Variants in CNTNAP2 observed in about 807,000 individuals in gnomAD.
The protein encoded by CNTNAP2 is contactin associated protein 2.
Under a neutral mutation model 155.2 loss-of-function variants are expected in CNTNAP2, and 98 were observed. The ratio of observed to expected loss-of-function variants is 0.63; its 90% CI spans 0.54 to 0.75. The LOEUF is 0.75. CNTNAP2 is among the 30% of genes least tolerant of loss of function. The probability of loss-of-function intolerance (pLI) is 0.00; values close to 1 mark genes in which losing one functional copy is unlikely to be tolerated. For missense variants in CNTNAP2, 1,727 were observed against 1,688.1 expected, an observed-to-expected ratio of 1.02 and a Z score of -0.40; for synonymous variants, 651 against 631.2, an observed-to-expected ratio of 1.03 and a Z score of -0.47.
intron 2 of CNTNAP2, among the ~76,000 whole-genome samples, chr7:146,834,493 G>A (rs1257080430): frequency 1.3e-5 from 2 of 151,956 alleles, no homozygotes; most frequent in Admixed American, 1.3e-4. Flanking sequence ...AGTGAGGAAG[G>A]AAAGACAGAT....
At chr7:147,247,943 A>T (rs572604063) in intron 8 of CNTNAP2, among the ~76,000 whole-genome samples, 195 of 152,244 alleles carry the variant, frequency 1.3e-3, no homozygotes, top group African/African-American at 4.0e-3. Context: ...AAAAATTTTT[A>T]AAAAAAGGTA....
At chr7:147,211,203 A>T (rs1471868162) in intron 8 of CNTNAP2, among the ~76,000 whole-genome samples, 1 of 151,962 alleles carries the variant, frequency 6.6e-6, no homozygotes, top group African/African-American at 2.4e-5. Flanking sequence ...TTCCCTGATG[A>T]TCTGTCTAAT....
chr7:146,839,197 T>C (rs1803673114), intron 2 of CNTNAP2, among the ~76,000 whole-genome samples: 1 of 152,128 alleles, frequency 6.6e-6, no homozygotes. Flanking sequence ...TACCTCTCAG[T>C]GGTACAGGAA....
rs544207980 is a variant in CNTNAP2 at position 147,047,050 on chromosome 7, A to G, written c.550+2996A>G. ...CCGTGTCAAAAAAAAAAAAAAAAAA[A>G]GTGTAGCCATTCTGGTGAGTGTTTG... is the stretch of plus-strand genomic sequence containing the variant. On this transcript the variant is annotated intron_variant, in intron 4 of 23. Coordinates refer to ENST00000361727, the MANE Select transcript of CNTNAP2 (RefSeq NM_014141.6). Among the ~76,000 whole-genome samples, 181 of 147,990 alleles carry G rather than the reference A, an allele frequency of 1.2e-3. 4 individuals carry two copies. Among genetic ancestry groups the G allele is most frequent in the African/African-American group, 4.0e-3 (159 of 40,226 alleles).
At chr7:146,543,037 A>G (rs972369368) in intron 1 of CNTNAP2, among the ~76,000 whole-genome samples, 1 of 151,900 alleles carries the variant, frequency 6.6e-6, no homozygotes, top group South Asian at 2.1e-4. Flanking sequence ...AGTATTCTTG[A>G]AAATGGTTGA....
chr7:148,286,941 A>G (rs1797095076), intron 21 of CNTNAP2, among the ~76,000 whole-genome samples: 1 of 152,220 alleles, frequency 6.6e-6, no homozygotes, highest in African/African-American at 2.4e-5. Context: ...TGCCACACAT[A>G]GTACCCTAAT....
At chr7:146,857,864 C>T (rs1409682201) in intron 3 of CNTNAP2, among the ~76,000 whole-genome samples, 1 of 152,190 alleles carries the variant, frequency 6.6e-6, no homozygotes, top group Non-Finnish European at 1.5e-5. Flanking sequence ...GAACACTAAA[C>T]TGTGGAATCA....
chr7:147,811,120 A>G (rs755297058), intron 13 of CNTNAP2, among the ~76,000 whole-genome samples: 39 of 152,196 alleles, frequency 2.6e-4, no homozygotes, highest in Non-Finnish European at 5.1e-4. Flanking sequence ...TTTAAGACAG[A>G]GTCTTGCTCT....
intron 1 of CNTNAP2, among the ~76,000 whole-genome samples, chr7:146,475,013 G>GCGCGCACACACACACACA (rs71525954): frequency 4.8e-5 from 7 of 144,380 alleles, no homozygotes; most frequent in African/African-American, 1.8e-4. Context: ...GCGCGCGCGC[G>GCGCGCACACACACACACA]CACACACACA....
At chr7:148,105,614 G>A (rs940827753) in intron 15 of CNTNAP2, among the ~76,000 whole-genome samples, 1 of 150,996 alleles carries the variant, frequency 6.6e-6, no homozygotes, top group African/African-American at 2.4e-5. Context: ...TTGTGATGGA[G>A]TCTTGCTCTG....
intron 13 of CNTNAP2, among the ~76,000 whole-genome samples, chr7:147,801,285 G>T (rs1468369532): frequency 2.8e-5 from 4 of 142,062 alleles, no homozygotes; most frequent in African/African-American, 1.0e-4. Context: ...AAATAGGTAT[G>T]TAGTCTTTGG....
In CNTNAP2 at chr7:146,933,256, C is replaced by A. The variant is rs190594580; in HGVS notation, c.402+93352C>A. Among the ~76,000 whole-genome samples, 402 of 152,098 alleles carry A rather than the reference C, an allele frequency of 2.6e-3. 1 individual carries two copies. The highest frequency in any genetic ancestry group is 8.2e-3 in the African/African-American group (341 of 41,408). On this transcript the variant is annotated intron_variant, in intron 3 of 23. Coordinates refer to ENST00000361727, the MANE Select transcript of CNTNAP2 (RefSeq NM_014141.6). ...AAAATAGAGATATAGATCAATGGAACAGAACAGAGCCCTCAGAAATAATGT... is the reference window on the plus strand; with the variant it reads ...AAAATAGAGATATAGATCAATGGAAAAGAACAGAGCCCTCAGAAATAATGT...
At chr7:148,022,786 C>A (rs1802308090) in intron 15 of CNTNAP2, among the ~76,000 whole-genome samples, 1 of 152,068 alleles carries the variant, frequency 6.6e-6, no homozygotes, top group Non-Finnish European at 1.5e-5. Flanking sequence ...CCTGTGTCTG[C>A]AGTTTCTCTT....
chr7:147,434,388 A>C (rs1797516495), intron 10 of CNTNAP2, among the ~76,000 whole-genome samples: 1 of 152,208 alleles, frequency 6.6e-6, no homozygotes. Flanking sequence ...TTCAAAATCA[A>C]AATTGAAATA....
At chr7:147,049,141 G>T (rs1482411210) in intron 4 of CNTNAP2, among the ~76,000 whole-genome samples, 1 of 152,186 alleles carries the variant, frequency 6.6e-6, no homozygotes, top group East Asian at 1.9e-4. Context: ...ACCTACTCAT[G>T]TCTTAAAAGT....
At chr7:147,709,891 T>C (rs1796376901) in intron 13 of CNTNAP2, among the ~76,000 whole-genome samples, 1 of 152,184 alleles carries the variant, frequency 6.6e-6, no homozygotes, top group African/African-American at 2.4e-5. Flanking sequence ...TGCTTATTTT[T>C]TTCTTTTGCT....
chr7:147,067,411 A>C (rs1799802943), intron 4 of CNTNAP2, among the ~76,000 whole-genome samples: 1 of 152,078 alleles, frequency 6.6e-6, no homozygotes, highest in Non-Finnish European at 1.5e-5. Flanking sequence ...AGATTTCAAC[A>C]TGAATTTTGG....
At chr7:146,191,311 A>G (rs911742381) in intron 1 of CNTNAP2, among the ~76,000 whole-genome samples, 2 of 152,102 alleles carry the variant, frequency 1.3e-5, no homozygotes, top group Non-Finnish European at 2.9e-5. Context: ...AGTGATTTTT[A>G]AAGGGGAGGG....
chr7:146,551,213 G>A (rs965335763), intron 1 of CNTNAP2, among the ~76,000 whole-genome samples: 1 of 151,984 alleles, frequency 6.6e-6, no homozygotes, highest in Non-Finnish European at 1.5e-5. Flanking sequence ...GTTTCAAAAT[G>A]TGCCATGTTG....
Sources: gnomAD v4.1 joint callset for allele counts (sites outside exome capture counted in the v4.1 genomes callset) on GRCh38, gnomAD v4.1.1 for gene constraint, MANE v1.5 for transcripts, NCBI Gene and HGNC (gene_info 2026-07-23, HGNC 2026-07-21) for gene names.